ATG7: variants seen among roughly 807,000 people sequenced by gnomAD.
ATG7 encodes ubiquitin-like modifier-activating enzyme ATG7.
In ATG7, 70 loss-of-function variants were observed where a neutral mutation model predicts 82.4. The observed-to-expected ratio is 0.85, with a 90% CI of 0.70 to 1.04. The LOEUF is 1.04. Among genes scored for constraint, ATG7 ranks in the 50% least tolerant of loss-of-function variants. The probability of loss-of-function intolerance (pLI) is 0.00; values close to 1 mark genes in which losing one functional copy is unlikely to be tolerated. For synonymous variants in ATG7, 287 were observed against 313.0 expected (o/e 0.92, Z 0.88); for missense variants, 792 against 864.3 (o/e 0.92, Z 1.05).
rs183459114 is a variant in ATG7 at position 11,371,161 on chromosome 3, T to C, written c.1875+6427T>C. ...TCTCCTCCCTCCATTCTCTGGGGTA[T>C]CATTTTCCACATTATTCAAGGACAT... On this transcript the variant is annotated intron_variant, in intron 18 of 20. Transcript: ENST00000693202. 1.8e-3 allele frequency among the ~76,000 whole-genome samples: 277 copies of C among 151,380 alleles called. 16 individuals are homozygous for C. The highest frequency in any genetic ancestry group is 6.6e-3 in the African/African-American group (270 of 41,108).
chr3:11,565,471 T>C, the ATG7 span, among the ~76,000 whole-genome samples: 2 of 152,094 alleles, frequency 1.3e-5, no homozygotes, highest in Non-Finnish European at 2.9e-5. The surrounding 1 kb of genome is among the most constrained non-coding windows in gnomAD (Gnocchi z 4.1). Flanking sequence ...CCCATCTTCC[T>C]CACAGTACTG....
At chr3:11,417,810 ATTTTATTTT>A (rs1322288901) in intron 19 of ATG7, among the ~76,000 whole-genome samples, 32 of 97,930 alleles carry the variant, frequency 3.3e-4, no homozygotes, top group Admixed American at 7.7e-4. Context: ...ATTTTATTTT[ATTTTATTTT>A]TTTTTTTTTT....
At chr3:11,338,146 T>G (rs1952840924) in intron 11 of ATG7, among the ~76,000 whole-genome samples, 1 of 152,150 alleles carries the variant, frequency 6.6e-6, no homozygotes, top group African/African-American at 2.4e-5. Context: ...TGTCTGCTGT[T>G]CCCCTTTGTG....
At chr3:11,509,863 C>T (rs1467216741) in intron 20 of ATG7, among the ~76,000 whole-genome samples, 2 of 152,158 alleles carry the variant, frequency 1.3e-5, no homozygotes, top group Admixed American at 1.3e-4. Context: ...AATCAGGCAG[C>T]CAGCGCTCCA....
chr3:11,493,839 T>G (rs1311300604), intron 20 of ATG7, among the ~76,000 whole-genome samples: 1 of 152,192 alleles, frequency 6.6e-6, no homozygotes, highest in African/African-American at 2.4e-5. Flanking sequence ...CAAGTTAAAC[T>G]TCTAGAAGTT....
chr3:11,510,133 T>C (rs2091972267), intron 20 of ATG7: 1 of 435,440 alleles, frequency 2.3e-6, no homozygotes, highest in African/African-American at 2.0e-5. Flanking sequence ...AGAAGGAAGG[T>C]ACGTGCCTGA....
At chr3:11,542,158 A>G (rs1218890223) in intron 20 of ATG7, among the ~76,000 whole-genome samples, 1 of 152,234 alleles carries the variant, frequency 6.6e-6, no homozygotes, top group Non-Finnish European at 1.5e-5. Context: ...CCTCCTCTGC[A>G]TGTCACTTGG....
At chr3:11,485,206 T>G (rs1328272532) in intron 20 of ATG7, among the ~76,000 whole-genome samples, 1 of 152,214 alleles carries the variant, frequency 6.6e-6, no homozygotes, top group African/African-American at 2.4e-5. Flanking sequence ...CCAGCACCTG[T>G]TGTTTCCTGA....
intron 14 of ATG7, among the ~76,000 whole-genome samples, chr3:11,354,575 G>C (rs1390189594): frequency 6.8e-6 from 1 of 147,892 alleles, no homozygotes; most frequent in Non-Finnish European, 1.5e-5. Flanking sequence ...CTTGAACCCG[G>C]AAGTCAGAGG....
chr3:11,544,466 C>T (rs143571596), intron 20 of ATG7, among the ~76,000 whole-genome samples: 10 of 152,358 alleles, frequency 6.6e-5, no homozygotes, highest in South Asian at 2.1e-4. Flanking sequence ...AAGTACCCAC[C>T]GCTGTGTGTC....
intron 19 of ATG7, among the ~76,000 whole-genome samples, chr3:11,400,898 A>G (rs533708344): frequency 5.9e-5 from 9 of 152,304 alleles, no homozygotes; most frequent in Admixed American, 5.9e-4. Flanking sequence ...GAATTTTTTT[A>G]CCGTAAGTAA....
intron 20 of ATG7, among the ~76,000 whole-genome samples, chr3:11,526,154 G>GCC (rs1414485927): frequency 1.3e-5 from 2 of 152,156 alleles, no homozygotes; most frequent in Non-Finnish European, 2.9e-5. Flanking sequence ...ACTTTGGGAA[G>GCC]CTGAGGTGGT....
chr3:11,573,869 A>C, the ATG7 span, among the ~76,000 whole-genome samples: 1 of 152,200 alleles, frequency 6.6e-6, no homozygotes, highest in Non-Finnish European at 1.5e-5. Context: ...AAGACCAAGT[A>C]AGCTGTGGTT....
chr3:11,474,053 C>T (rs1397256382), intron 20 of ATG7, among the ~76,000 whole-genome samples: 2 of 152,240 alleles, frequency 1.3e-5, no homozygotes, highest in Non-Finnish European at 2.9e-5. Flanking sequence ...TTATATGCCA[C>T]TTAGTTGAGT....
chr3:11,295,378 G>A (rs752722352), intron 3 of ATG7, among the ~76,000 whole-genome samples: 2 of 151,878 alleles, frequency 1.3e-5, no homozygotes, highest in African/African-American at 4.8e-5. Context: ...TTGGATTTCT[G>A]TTGCCAAAAC....
intron 20 of ATG7, among the ~76,000 whole-genome samples, chr3:11,516,904 G>A (rs1309334735): frequency 1.3e-5 from 2 of 152,022 alleles, no homozygotes; most frequent in African/African-American, 2.4e-5. Context: ...CCAACATGAT[G>A]AAACCCCGTC....
chr3:11,315,323 C>A (rs1949250538), intron 8 of ATG7, 21 bp from the exon 9 acceptor site: 1 of 1,529,042 alleles, frequency 6.5e-7, no homozygotes, highest in East Asian at 2.3e-5. Flanking sequence ...TAGAGAATAA[C>A]AACGTGTTTT....
intron 19 of ATG7, among the ~76,000 whole-genome samples, chr3:11,401,029 T>C (rs7349536): frequency 0.83 from 125,968 of 152,242 alleles, 52,320 homozygotes; most frequent in East Asian, 1. Context: ...AATCCCAAGA[T>C]GTTGTGCTCC....
intron 20 of ATG7, among the ~76,000 whole-genome samples, chr3:11,451,188 A>G (rs1462987973): frequency 2.0e-5 from 3 of 150,992 alleles, no homozygotes; most frequent in Non-Finnish European, 4.4e-5. Flanking sequence ...CAAGAACTTG[A>G]TAAAATAGAA....
Sources: gnomAD v4.1 joint callset for allele counts (sites outside exome capture counted in the v4.1 genomes callset) on GRCh38, gnomAD v4.1.1 for gene constraint, Gnocchi (gnomAD v3.1) non-coding constraint, MANE v1.5 for transcripts, NCBI Gene and HGNC (gene_info 2026-07-23, HGNC 2026-07-21) for gene names.